Variants in JPH1 observed in about 807,000 individuals in gnomAD.
JPH1 encodes the protein junctophilin-1.
A neutral mutation model predicts 53.6 loss-of-function variants in JPH1; 12 were observed. The ratio of observed to expected loss-of-function variants is 0.22; its 90% CI spans 0.14 to 0.36. JPH1 has a LOEUF of 0.36. Ranked by LOEUF, JPH1 falls within the 10% of genes least tolerant of loss-of-function variation. The pLI, the probability that JPH1 is intolerant of heterozygous loss-of-function variation, is 1.00. For synonymous variants in JPH1, 375 were observed against 363.8 expected (o/e 1.03, Z -0.35); for missense variants, 808 against 905.5 (o/e 0.89, Z 1.38).
intron 2 of JPH1, among the ~76,000 whole-genome samples, chr8:74,293,010 T>C (rs1313627520): frequency 2.6e-5 from 4 of 152,198 alleles, no homozygotes; most frequent in African/African-American, 9.7e-5. Context: ...TAGAGCAGCC[T>C]TTGGGAACGT....
At chr8:74,290,146 C>A (rs1807281283) in intron 2 of JPH1, among the ~76,000 whole-genome samples, 1 of 152,074 alleles carries the variant, frequency 6.6e-6, no homozygotes. Context: ...AAGTTCTGGC[C>A]AGGACAATCA....
chr8:74,294,899 A>C (rs1807461352), intron 2 of JPH1, among the ~76,000 whole-genome samples: 1 of 152,194 alleles, frequency 6.6e-6, no homozygotes, highest in Non-Finnish European at 1.5e-5. Flanking sequence ...CTGATGAGGG[A>C]GCCTGAGACG....
At chr8:74,245,199 G>GA in intron 3 of JPH1, 24 bp from the exon 4 acceptor site, 1 of 1,529,272 alleles carries the variant, frequency 6.5e-7, no homozygotes, top group Non-Finnish European at 8.7e-7. Context: ...AAAGAAAAAA[G>GA]AAAAAAAGAA....
chr8:74,242,706 C>T lies in JPH1; in HGVS notation c.1905+1823G>A, dbSNP rs138152975. Reference sequence around the variant, plus strand: ...GAATCTTCGCGTGAAGGTGTCAAGTCGGTCTTGAATTTTGCAGAGGCAGTC... The same window carrying T: ...GAATCTTCGCGTGAAGGTGTCAAGTTGGTCTTGAATTTTGCAGAGGCAGTC... On this transcript the variant is annotated intron_variant, in intron 4 of 5. Transcript: ENST00000342232. Among the ~76,000 whole-genome samples the T allele has an allele frequency of 2.0e-4, 30 of 152,274 alleles. No homozygotes were observed. In the East Asian group the frequency reaches 5.2e-3, roughly 27 times the overall value.
intron 4 of JPH1, among the ~76,000 whole-genome samples, chr8:74,240,163 G>A (rs1345733139): frequency 6.6e-6 from 1 of 151,914 alleles, no homozygotes; most frequent in African/African-American, 2.4e-5. Flanking sequence ...GTAGAGACGG[G>A]GTTTCACCAT....
At chr8:74,267,095 G>C (rs1206844270) in intron 2 of JPH1, among the ~76,000 whole-genome samples, 2 of 152,200 alleles carry the variant, frequency 1.3e-5, no homozygotes, top group Non-Finnish European at 2.9e-5. Flanking sequence ...TATGGTCTGA[G>C]AGTGATGACA....
At chr8:74,302,476 A>G (rs1807711458) in intron 2 of JPH1, among the ~76,000 whole-genome samples, 1 of 152,144 alleles carries the variant, frequency 6.6e-6, no homozygotes, top group African/African-American at 2.4e-5. Flanking sequence ...TTGTACATAT[A>G]TTTTCTATGC....
intron 3 of JPH1, among the ~76,000 whole-genome samples, chr8:74,252,267 G>C (rs1806088390): frequency 3.9e-5 from 6 of 152,142 alleles, no homozygotes; most frequent in Admixed American, 3.9e-4. Flanking sequence ...CATGGGCAAG[G>C]ACTTCATGAC....
rs1563425179 is a variant in JPH1, at chr8:74,315,734, A to G, written c.380-114T>C. 4 of 1,032,636 alleles carry G rather than the reference A, an allele frequency of 3.9e-6. No homozygotes were observed. In the East Asian group the frequency reaches 8.5e-5, roughly 22 times the overall value. 64.0% of individuals were successfully genotyped at this position (1,032,636 alleles called of 1,614,324 possible). On this transcript the variant is annotated intron_variant, in intron 1 of 5. Transcript: ENST00000342232. The surrounding 1 kb of genome is among the most constrained non-coding windows in gnomAD (Gnocchi z 6.3). ...CCAAGGTCAAATCTGACCCATTTCCAAGTCAACCCTGGGGGATACTTTGCA... is the reference window on the plus strand; with the variant it reads ...CCAAGGTCAAATCTGACCCATTTCCGAGTCAACCCTGGGGGATACTTTGCA...
chr8:74,286,992 G>A (rs1807181589), intron 2 of JPH1, among the ~76,000 whole-genome samples: 1 of 152,176 alleles, frequency 6.6e-6, no homozygotes, highest in Non-Finnish European at 1.5e-5. Flanking sequence ...GTAATGACAA[G>A]AGTCTATGTA....
chr8:74,301,322 T>C (rs1436160546), intron 2 of JPH1, among the ~76,000 whole-genome samples: 2 of 152,190 alleles, frequency 1.3e-5, no homozygotes, highest in African/African-American at 2.4e-5. Context: ...AAGCAGAAAA[T>C]GCAGCTCCCA....
intron 1 of JPH1, among the ~76,000 whole-genome samples, chr8:74,317,952 G>A (rs115458768): frequency 1.7e-3 from 257 of 152,270 alleles, no homozygotes; most frequent in African/African-American, 6.1e-3. Context: ...AATAGGGAAG[G>A]GGGGGACAAG....
chr8:74,318,633 C>A (rs1808228347), intron 1 of JPH1, among the ~76,000 whole-genome samples: 1 of 152,182 alleles, frequency 6.6e-6, no homozygotes, highest in Non-Finnish European at 1.5e-5. Context: ...CATGGAATTA[C>A]TGCTTCCTTC....
chr8:74,312,202 T>C (rs1202031597), intron 2 of JPH1, among the ~76,000 whole-genome samples: 1 of 152,232 alleles, frequency 6.6e-6, no homozygotes, highest in East Asian at 1.9e-4. Context: ...AACAGTATTT[T>C]ATTTATTGTT....
chr8:74,258,396 G>A (rs923638656), intron 3 of JPH1, among the ~76,000 whole-genome samples: 2 of 152,208 alleles, frequency 1.3e-5, no homozygotes, highest in East Asian at 3.9e-4. Context: ...TATAGAGAGG[G>A]GTAGAAAGAG....
At chr8:74,237,592 G>GA (rs2131371339) in intron 4 of JPH1, among the ~76,000 whole-genome samples, 1 of 152,328 alleles carries the variant, frequency 6.6e-6, no homozygotes, top group East Asian at 1.9e-4. Context: ...AGCGTGTGCT[G>GA]AGACACAGCT....
intron 2 of JPH1, among the ~76,000 whole-genome samples, chr8:74,270,000 T>C (rs911009770): frequency 6.6e-6 from 1 of 152,280 alleles, no homozygotes; most frequent in Non-Finnish European, 1.5e-5. Flanking sequence ...AATCTGTCAC[T>C]GCTCTCCTTA....
chr8:74,311,523 T>C (rs546006903), intron 2 of JPH1, among the ~76,000 whole-genome samples: 1 of 152,200 alleles, frequency 6.6e-6, no homozygotes, highest in Non-Finnish European at 1.5e-5. Flanking sequence ...TAAAATTTTT[T>C]ATTTTATTAT....
intron 2 of JPH1, among the ~76,000 whole-genome samples, chr8:74,261,765 T>C (rs554580649): frequency 1.3e-5 from 2 of 152,362 alleles, no homozygotes; most frequent in South Asian, 4.1e-4. Context: ...CTAGGTGTCA[T>C]AATTAATGAA....
Sources: allele counts gnomAD v4.1 joint callset (sites outside exome capture counted in the v4.1 genomes callset), GRCh38; gene constraint gnomAD v4.1.1; non-coding constraint Gnocchi (gnomAD v3.1); transcripts MANE v1.5; gene names NCBI Gene and HGNC (gene_info 2026-07-23, HGNC 2026-07-21).